RNF43: variants seen among roughly 807,000 people sequenced by gnomAD.
RNF43 encodes the protein E3 ubiquitin-protein ligase RNF43.
Under a neutral mutation model 78.4 loss-of-function variants are expected in RNF43, and 37 were observed. The ratio of observed to expected loss-of-function variants is 0.47; its 90% CI spans 0.36 to 0.62. RNF43 has a LOEUF of 0.62. RNF43 is among the 20% of genes least tolerant of loss of function. RNF43 has a pLI of 0.00. For synonymous variants in RNF43, 347 were observed against 395.0 expected, an observed-to-expected ratio of 0.88 and a Z score of 1.44; for missense variants, 774 against 1,007.9, an observed-to-expected ratio of 0.77 and a Z score of 3.14.
At chr17:58,411,395 TAA>T (rs1974021854) in intron 2 of RNF43, among the ~76,000 whole-genome samples, 1 of 152,026 alleles carries the variant, frequency 6.6e-6, no homozygotes, top group Admixed American at 6.6e-5. Context: ...GCCAAAAACT[TAA>T]AGTTTCAGGT....
intron 3 of RNF43, among the ~76,000 whole-genome samples, chr17:58,366,156 A>G (rs1194345015): frequency 6.6e-6 from 1 of 152,240 alleles, no homozygotes; most frequent in African/African-American, 2.4e-5. Flanking sequence ...AACGCTGATA[A>G]TATTCTAAAG....
In RNF43 at chr17:58,370,998, G is replaced by A. The variant is rs199877558; in HGVS notation, c.288C>T (p.Asp96=). The change falls in exon 3 of 10, where the codon GAC becomes GAT. Residue 96 remains aspartate (D), a synonymous_variant. Transcript: ENST00000407977. ...TGATGAATCCAGGCTCCAGATTGTCGTCATCACTGGCATTGCACAGGTACA... is the reference window on the plus strand; with the variant it reads ...TGATGAATCCAGGCTCCAGATTGTCATCATCACTGGCATTGCACAGGTACA... ...HPLYLCNASD[D]DNLEPGFISI... 2.3e-5 allele frequency: 37 copies of A among 1,610,548 alleles called. No homozygotes were observed. The highest frequency in any genetic ancestry group is 4.4e-5 in the South Asian group (4 of 90,422).
chr17:58,402,428 C>T (rs1453108192), intron 2 of RNF43, among the ~76,000 whole-genome samples: 1 of 152,204 alleles, frequency 6.6e-6, no homozygotes, highest in Non-Finnish European at 1.5e-5. Context: ...TTGCCCTATC[C>T]ATCATTTTTT....
In RNF43 at chr17:58,360,744, C is replaced by A. The variant is rs1972817882; in HGVS notation, c.849+39G>T. On this transcript the variant is annotated intron_variant, in intron 7 of 9. Transcript: ENST00000407977. This position sits in a 1 kb window ranked among gnomAD's most constrained non-coding sequence, Gnocchi z 4.3. ...ACCCCTCCCCCAGCTTCAATCTCCC[C>A]AGTCTGGTCATGGAGGTGAACCACA... is the stretch of plus-strand genomic sequence containing the variant. The A allele has an allele frequency of 6.3e-7, 1 of 1,579,440 alleles. No homozygotes were observed. Among genetic ancestry groups the A allele is most frequent in the South Asian group, 1.2e-5 (1 of 84,592 alleles).
intron 2 of RNF43, among the ~76,000 whole-genome samples, chr17:58,406,472 G>A (rs1973912431): frequency 6.6e-6 from 1 of 152,078 alleles, no homozygotes; most frequent in Non-Finnish European, 1.5e-5. Flanking sequence ...GGAATATTCT[G>A]CCACTTTTCC....
intron 8 of RNF43, among the ~76,000 whole-genome samples, chr17:58,359,665 G>A (rs767689591): frequency 1.3e-5 from 2 of 151,660 alleles, no homozygotes; most frequent in Admixed American, 6.6e-5. Flanking sequence ...GGTGGCTCAC[G>A]CCTGTAATCC....
chr17:58,402,912 G>A lies in RNF43; in HGVS notation c.252+12414C>T, dbSNP rs528346154. Among the ~76,000 whole-genome samples the A allele has an allele frequency of 2.0e-5, 3 of 152,236 alleles. No individual in the cohort carries two copies. In the South Asian group the frequency reaches 6.2e-4, roughly 32 times the overall value. On this transcript the variant is annotated intron_variant, in intron 2 of 9. Coordinates refer to ENST00000407977, the MANE Select transcript of RNF43 (RefSeq NM_017763.6). ...AACAGTAGAGGAATGCAGGGAATGT[G>A]GCTCCCAACATTTGGTGATATCAAC...
At chr17:58,365,760 G>C (rs994808292) in intron 3 of RNF43, among the ~76,000 whole-genome samples, 1 of 152,180 alleles carries the variant, frequency 6.6e-6, no homozygotes, top group Non-Finnish European at 1.5e-5. Flanking sequence ...TTGGGTACTG[G>C]AATTTGGAAA....
chr17:58,403,183 T>C lies in RNF43; in HGVS notation c.252+12143A>G, dbSNP rs1598164261. On this transcript the variant is annotated intron_variant, in intron 2 of 9. Transcript: ENST00000407977. ...CTCATTTGTATCTTACTGAGGCACATCCAACCAAGGAAGAATAGAGACTTA... is the reference window on the plus strand; with the variant it reads ...CTCATTTGTATCTTACTGAGGCACACCCAACCAAGGAAGAATAGAGACTTA... Among the ~76,000 whole-genome samples the C allele has an allele frequency of 2.6e-5, 4 of 152,264 alleles. No individual in the cohort carries two copies. In the East Asian group the frequency reaches 7.7e-4, roughly 29 times the overall value.
chr17:58,373,824 C>A (rs142663352), intron 2 of RNF43, among the ~76,000 whole-genome samples: 40 of 152,222 alleles, frequency 2.6e-4, no homozygotes, highest in African/African-American at 9.4e-4. Flanking sequence ...CTACCCCTAT[C>A]ATAGCCACTT....
intron 3 of RNF43, among the ~76,000 whole-genome samples, chr17:58,366,280 T>C (rs998253859): frequency 6.6e-6 from 1 of 152,140 alleles, no homozygotes; most frequent in East Asian, 1.9e-4. Context: ...ATGTTCAATA[T>C]AGAAAGCAGA....
At chr17:58,407,615 A>G (rs1973940444) in intron 2 of RNF43, among the ~76,000 whole-genome samples, 2 of 152,246 alleles carry the variant, frequency 1.3e-5, no homozygotes, top group Non-Finnish European at 2.9e-5. Flanking sequence ...TATGTAAAGT[A>G]GCTTATCTGT....
At chr17:58,386,083 C>T (rs1419992602) in intron 2 of RNF43, among the ~76,000 whole-genome samples, 1 of 151,992 alleles carries the variant, frequency 6.6e-6, no homozygotes, top group Non-Finnish European at 1.5e-5. Context: ...GCACTCCAGC[C>T]TGTGCAAGAC....
At chr17:58,388,309 C>CA (rs1251015806) in intron 2 of RNF43, among the ~76,000 whole-genome samples, 1 of 152,152 alleles carries the variant, frequency 6.6e-6, no homozygotes, top group African/African-American at 2.4e-5. Flanking sequence ...TCCTTGCCTG[C>CA]ACATTATCAG....
At position 58,358,856 on chromosome 17, in the gene RNF43, ACT is replaced by A; in HGVS notation, c.953-35_953-34del. On this transcript the variant is annotated intron_variant, in intron 8 of 9. Transcript: ENST00000407977. This position sits in a 1 kb window ranked among gnomAD's most constrained non-coding sequence, Gnocchi z 6.2. ...AAAGAACCAAGAGCACAGATGTTTA[ACT>A]CTACAAACCTACAGAGAATGCATTC... 6.9e-7 allele frequency: 1 copy of A among 1,459,556 alleles called. No homozygotes were observed. Among genetic ancestry groups the A allele is most frequent in the East Asian group, 2.5e-5 (1 of 40,248 alleles). The allele number at this position is 1,459,556 out of a possible 1,614,324, so 90.4% of individuals were successfully genotyped here.
intron 2 of RNF43, among the ~76,000 whole-genome samples, chr17:58,414,806 A>G (rs1424955454): frequency 6.6e-6 from 1 of 152,248 alleles, no homozygotes; most frequent in Non-Finnish European, 1.5e-5. Flanking sequence ...TTTTGGGGTT[A>G]GCAATAGGGT....
chr17:58,415,769 C>T lies in RNF43; in HGVS notation c.-192G>A, dbSNP rs955395991. The T allele has an allele frequency of 6.4e-6, 4 of 628,176 alleles. No homozygotes were observed. The highest frequency in any genetic ancestry group is 3.7e-5 in the African/African-American group (2 of 54,508). 38.9% of individuals were successfully genotyped at this position (628,176 alleles called of 1,614,324 possible). A position where few individuals can be genotyped will look rare whatever the true frequency, so the allele number is the denominator to read the frequency against. On this transcript the variant is annotated 5_prime_UTR_variant, in exon 2 of 10. Coordinates refer to ENST00000407977, the MANE Select transcript of RNF43 (RefSeq NM_017763.6). ...AAAACAGGTAGCATTCCTGATTGGG[C>T]AGAGAAGAGGATATTTTCAGCCCAC...
At chr17:58,412,998 A>G (rs1178655208) in intron 2 of RNF43, among the ~76,000 whole-genome samples, 1 of 152,192 alleles carries the variant, frequency 6.6e-6, no homozygotes, top group Non-Finnish European at 1.5e-5. Context: ...CTCAAAACCG[A>G]AGAGAAGACT....
chr17:58,409,843 G>GCCA (rs1435409325), intron 2 of RNF43, among the ~76,000 whole-genome samples: 1 of 152,128 alleles, frequency 6.6e-6, no homozygotes, highest in Non-Finnish European at 1.5e-5. Context: ...CCGTGTCTGT[G>GCCA]CCACTGCCCT....
Sources: gnomAD v4.1 joint callset for allele counts (sites outside exome capture counted in the v4.1 genomes callset) on GRCh38, gnomAD v4.1.1 for gene constraint, Gnocchi (gnomAD v3.1) non-coding constraint, MANE v1.5 for transcripts, NCBI Gene and HGNC (gene_info 2026-07-23, HGNC 2026-07-21) for gene names.